Variants in FSIP1 observed in about 807,000 individuals in gnomAD.
FSIP1 encodes the protein fibrous sheath interacting protein 1.
In FSIP1, 65 loss-of-function variants were observed where a neutral mutation model predicts 60.9. That is an observed-to-expected ratio of 1.07 (90% CI 0.87 to 1.31). The LOEUF (loss-of-function observed/expected upper bound fraction) is 1.31. Among genes scored for constraint, FSIP1 ranks in the 40% most tolerant of loss-of-function variants. The pLI is 0.00. For missense variants in FSIP1, 675 were observed against 665.5 expected, an observed-to-expected ratio of 1.01 and a Z score of -0.16; for synonymous variants, 209 against 221.2, an observed-to-expected ratio of 0.94 and a Z score of 0.49.
chr15:39,621,228 A>G (rs1891431514), intron 10 of FSIP1, among the ~76,000 whole-genome samples: 1 of 152,208 alleles, frequency 6.6e-6, no homozygotes, highest in Admixed American at 6.5e-5. Flanking sequence ...GCTTACAGAA[A>G]TGTTTGCTGA....
intron 10 of FSIP1, among the ~76,000 whole-genome samples, chr15:39,637,848 A>G (rs1246333355): frequency 1.3e-5 from 2 of 152,226 alleles, no homozygotes; most frequent in African/African-American, 4.8e-5. Flanking sequence ...ATTTTGGGGA[A>G]GCATCATTAC....
At chr15:39,662,719 G>A (rs1893348915) in intron 10 of FSIP1, among the ~76,000 whole-genome samples, 2 of 147,306 alleles carry the variant, frequency 1.4e-5, no homozygotes, top group African/African-American at 2.5e-5. Flanking sequence ...CTAAGTCACT[G>A]AAAAAAAAAA....
At chr15:39,598,952 T>TG (rs1348323840), downstream of FSIP1, 2 of 152,134 alleles carry the variant, frequency 1.3e-5, no homozygotes, top group Non-Finnish European at 2.9e-5. Flanking sequence ...GATGAAGTCT[T>TG]GCTCTGTCGC....
intron 10 of FSIP1, among the ~76,000 whole-genome samples, chr15:39,632,066 C>CA (rs1566860537): frequency 1.3e-5 from 2 of 152,264 alleles, no homozygotes; most frequent in Admixed American, 1.3e-4. Flanking sequence ...CTGACGAGTA[C>CA]AATAGATGTT....
At chr15:39,674,078 A>G (rs2411304) in intron 10 of FSIP1, among the ~76,000 whole-genome samples, 99,070 of 150,410 alleles carry the variant, frequency 0.66, 33,472 homozygotes, top group Non-Finnish European at 0.76. Flanking sequence ...TTTCTGAGAC[A>G]GAGTCTCGCT....
intron 10 of FSIP1, among the ~76,000 whole-genome samples, chr15:39,648,461 T>C (rs903435286): frequency 4.6e-5 from 7 of 152,216 alleles, no homozygotes; most frequent in African/African-American, 1.7e-4. Flanking sequence ...TCGTAAGTTC[T>C]TAAAAGTTCT....
chr15:39,640,663 C>G (rs1259720727), intron 10 of FSIP1, among the ~76,000 whole-genome samples: 1 of 150,666 alleles, frequency 6.6e-6, no homozygotes, highest in Admixed American at 6.6e-5. Flanking sequence ...TTGGGCAGCC[C>G]CCAGAATCAC....
chr15:39,771,801 A>G (rs143061323), intron 2 of FSIP1, among the ~76,000 whole-genome samples: 4 of 152,314 alleles, frequency 2.6e-5, no homozygotes, highest in East Asian at 1.9e-4. Flanking sequence ...GTTCAAAAAC[A>G]TATTTCTGCC....
At chr15:39,682,548 C>T (rs1378735385) in intron 10 of FSIP1, among the ~76,000 whole-genome samples, 2 of 152,190 alleles carry the variant, frequency 1.3e-5, no homozygotes, top group African/African-American at 2.4e-5. Flanking sequence ...TGGGGCTCCC[C>T]GGATGAGGGC....
intron 5 of FSIP1, among the ~76,000 whole-genome samples, chr15:39,760,758 G>A (rs1897468205): frequency 6.6e-6 from 1 of 151,870 alleles, no homozygotes; most frequent in Admixed American, 6.6e-5. Context: ...TGGGAAAACT[G>A]GTAAATTTTT....
At chr15:39,612,858 A>G (rs967393401) in intron 11 of FSIP1, among the ~76,000 whole-genome samples, 23 of 152,298 alleles carry the variant, frequency 1.5e-4, no homozygotes, top group African/African-American at 5.5e-4. Flanking sequence ...GTCTCATGAT[A>G]GTTTTAGCTT....
chr15:39,678,292 G>A (rs1216797849), intron 10 of FSIP1, among the ~76,000 whole-genome samples: 1 of 151,924 alleles, frequency 6.6e-6, no homozygotes, highest in Non-Finnish European at 1.5e-5. Context: ...TACTCCATTT[G>A]CGTATGTGCT....
chr15:39,729,055 C>T (rs1474555017), intron 8 of FSIP1, among the ~76,000 whole-genome samples: 1 of 152,160 alleles, frequency 6.6e-6, no homozygotes, highest in Admixed American at 6.5e-5. Context: ...CCATCTCACA[C>T]CAGTCAGAAA....
At chr15:39,705,601 T>C (rs949755982) in intron 10 of FSIP1, among the ~76,000 whole-genome samples, 2 of 152,180 alleles carry the variant, frequency 1.3e-5, no homozygotes, top group Admixed American at 6.5e-5. Flanking sequence ...AGATGGTTGT[T>C]AGTATATATG....
intron 3 of FSIP1, among the ~76,000 whole-genome samples, chr15:39,767,024 AT>A (rs757489948): frequency 6.6e-5 from 10 of 152,080 alleles, no homozygotes; most frequent in Non-Finnish European, 1.5e-4. Flanking sequence ...TTTTAAAAAA[AT>A]TTTTGTAGAG....
intron 5 of FSIP1, among the ~76,000 whole-genome samples, chr15:39,757,091 G>C (rs1269219169): frequency 6.6e-6 from 1 of 152,016 alleles, no homozygotes; most frequent in Non-Finnish European, 1.5e-5. Flanking sequence ...ATTTACAAGT[G>C]CCTGAAACTG....
chr15:39,754,582 A>G (rs1223450101), intron 5 of FSIP1, among the ~76,000 whole-genome samples: 1 of 152,106 alleles, frequency 6.6e-6, no homozygotes, highest in Admixed American at 6.6e-5. Context: ...GGCAGAACAA[A>G]TACTCATTTG....
At chr15:39,656,759 G>A (rs1219975944) in intron 10 of FSIP1, among the ~76,000 whole-genome samples, 2 of 152,016 alleles carry the variant, frequency 1.3e-5, no homozygotes, top group East Asian at 3.8e-4. Context: ...GACATTTTTT[G>A]GAAGGGTTCT....
chr15:39,610,772 G>A (rs554834026), intron 11 of FSIP1, among the ~76,000 whole-genome samples: 66 of 152,312 alleles, frequency 4.3e-4, no homozygotes, highest in African/African-American at 1.5e-3. Flanking sequence ...ACAGCAACCA[G>A]CAGATTTCTC....
Sources: allele counts gnomAD v4.1 joint callset (sites outside exome capture counted in the v4.1 genomes callset), GRCh38; gene constraint gnomAD v4.1.1; transcripts MANE v1.5; gene names NCBI Gene and HGNC (gene_info 2026-07-23, HGNC 2026-07-21).